IL6ST: variants seen among roughly 807,000 people sequenced by gnomAD.
IL6ST encodes the protein interleukin 6 cytokine family signal transducer.
IL6ST carries 24 observed loss-of-function variants against 91.3 expected under a neutral mutation model. The ratio of observed to expected loss-of-function variants is 0.26; its 90% confidence interval spans 0.19 to 0.37. The LOEUF (loss-of-function observed/expected upper bound fraction) is 0.37, where lower values mean the gene tolerates loss of function less well. IL6ST is among the 10% of genes least tolerant of loss of function. IL6ST has a pLI of 1.00. For synonymous variants in IL6ST, 351 were observed against 373.6 expected (o/e 0.94, Z 0.70); for missense variants, 914 against 1,078.5 (o/e 0.85, Z 2.14).
intron 10 of IL6ST, 64 bp downstream of exon 10, chr5:55,955,961 C>T (rs1197519821): frequency 2.0e-5 from 20 of 1,004,350 alleles, no homozygotes; most frequent in Middle Eastern, 2.1e-4. Flanking sequence ...TTTATGGGAG[C>T]CCTGTCCATA....
At position 55,935,221 on chromosome 5, in the gene IL6ST, T is replaced by G. The variant is rs1171215137; in HGVS notation, c.*5861A>C. 5.5e-6 allele frequency: 1 copy of G among 182,050 alleles called. No homozygotes were observed. The highest frequency in any genetic ancestry group is 2.4e-5 in the African/African-American group (1 of 42,392). 11.3% of individuals were successfully genotyped at this position (182,050 alleles called of 1,614,324 possible). ...ATGTTTAAATAAAAAGCCATTTAAG[T>G]GAGGGGATAATTCTCACTAAAAAAA... On this transcript the variant is annotated 3_prime_UTR_variant, in exon 17 of 17. Transcript: ENST00000381298.
intron 1 of IL6ST, among the ~76,000 whole-genome samples, chr5:55,992,904 T>C (rs913053071): frequency 5.3e-5 from 8 of 152,360 alleles, no homozygotes; most frequent in Admixed American, 5.2e-4. Context: ...TATAAGTTTG[T>C]CAATCCAATT....
chr5:55,972,490 C>G (rs934604312), intron 3 of IL6ST, among the ~76,000 whole-genome samples: 4 of 151,800 alleles, frequency 2.6e-5, no homozygotes, highest in Admixed American at 2.6e-4. Flanking sequence ...CCAGCCTGAG[C>G]GACAGAGTGA....
intron 1 of IL6ST, among the ~76,000 whole-genome samples, chr5:55,991,262 T>C (rs1474321820): frequency 6.6e-6 from 1 of 152,226 alleles, no homozygotes; most frequent in Non-Finnish European, 1.5e-5. Flanking sequence ...TGCCCAGTAA[T>C]GGGATGAATG....
At chr5:55,977,165 A>G (rs1256693992) in intron 2 of IL6ST, among the ~76,000 whole-genome samples, 1 of 152,232 alleles carries the variant, frequency 6.6e-6, no homozygotes, top group Non-Finnish European at 1.5e-5. Context: ...AACTGGTGAT[A>G]CATGCAGTAG....
chr5:55,954,988 A>C lies in IL6ST; in HGVS notation c.1272T>G (p.Thr424=), dbSNP rs747101680. 2 of 1,587,920 alleles carry C rather than the reference A, an allele frequency of 1.3e-6. No individual in the cohort carries two copies. The highest frequency in any genetic ancestry group is 1.7e-6 in the Non-Finnish European group (2 of 1,168,458). The change falls in exon 11 of 17, where the codon ACT becomes ACG. Residue 424 remains threonine (T), a synonymous_variant. Coordinates refer to ENST00000381298, the MANE Select transcript of IL6ST (RefSeq NM_002184.4). The stretch of plus-strand genomic sequence containing the variant: ...ATGCTTTAAGATCCATTACAGGGTG[A>C]GTAGCTTTAAAACAAAGTTTGAATA... The part of the protein sequence containing the change: ...LTIPACDFQA[T]HPVMDLKAFP...
rs2111681812 is a variant in IL6ST at position 55,952,426 on chromosome 5, C to T, written c.1451-75G>A. The T allele has an allele frequency of 5.0e-6, 4 of 803,714 alleles. No homozygotes were observed. In the East Asian group the frequency reaches 1.0e-4, roughly 21 times the overall value. 49.8% of individuals were successfully genotyped at this position (803,714 alleles called of 1,614,324 possible). ...AAGTTAATACCGTAATTTATTTTTA[C>T]ATTATAATTTCATGACCACTTAATT... On this transcript the variant is annotated intron_variant, in intron 11 of 16. Transcript: ENST00000381298.
rs1234694446 is a variant in IL6ST at position 55,935,894 on chromosome 5, T to C, written c.*5188A>G. ...AAAGCAGGATGGACTGTATCTATCA[T>C]ACACATTAGGATAAGATGAGCCACC... On this transcript the variant is annotated 3_prime_UTR_variant, in exon 17 of 17. Transcript: ENST00000381298. 4.6e-6 allele frequency: 1 copy of C among 218,730 alleles called. No homozygotes were observed. Among genetic ancestry groups the C allele is most frequent in the African/African-American group, 2.2e-5 (1 of 44,512 alleles). 13.5% of individuals were successfully genotyped at this position (218,730 alleles called of 1,614,324 possible).
At chr5:55,953,347 C>T (rs1389922963) in intron 11 of IL6ST, among the ~76,000 whole-genome samples, 2 of 152,186 alleles carry the variant, frequency 1.3e-5, no homozygotes, top group Non-Finnish European at 1.5e-5. Context: ...TACTGAGCAA[C>T]ATACGACTAC....
At position 55,940,591 on chromosome 5, in the gene IL6ST, T is replaced by C; in HGVS notation, c.*491A>G. ...TCAGATTACAAAAGCTGGGCTCATGTAGTTATGGCCTATGGACCTCTTTTT... is the reference window on the plus strand; with the variant it reads ...TCAGATTACAAAAGCTGGGCTCATGCAGTTATGGCCTATGGACCTCTTTTT... On this transcript the variant is annotated 3_prime_UTR_variant, in exon 17 of 17. Transcript: ENST00000381298. 9.3e-6 allele frequency: 2 copies of C among 214,182 alleles called. No individual in the cohort carries two copies. Among genetic ancestry groups the C allele is most frequent in the Non-Finnish European group, 1.9e-5 (2 of 106,006 alleles). 13.3% of individuals were successfully genotyped at this position (214,182 alleles called of 1,614,324 possible). A position where few individuals can be genotyped will look rare whatever the true frequency, so the allele number is the denominator to read the frequency against.
chr5:55,952,484 T>C (rs1751695821), intron 11 of IL6ST, 133 bp from the exon 12 acceptor site: 2 of 547,100 alleles, frequency 3.7e-6, no homozygotes, highest in South Asian at 3.1e-5. Flanking sequence ...TAAGTAAGCA[T>C]TGTCTTTTGT....
intron 7 of IL6ST, among the ~76,000 whole-genome samples, chr5:55,961,673 G>A (rs1403315659): frequency 4.6e-5 from 7 of 151,508 alleles, no homozygotes; most frequent in East Asian, 1.9e-4. Context: ...CAGAAGAATC[G>A]CTTGAACTAG....
rs537175964 is a variant in IL6ST, at chr5:55,965,736, A to C, written c.492-1424T>G. Among the ~76,000 whole-genome samples, 19 of 151,424 alleles carry C rather than the reference A, an allele frequency of 1.3e-4. 1 individual carries two copies. The South Asian group carries it at 4.0e-3, about 32-fold the overall frequency. On this transcript the variant is annotated intron_variant, in intron 5 of 16. Transcript: ENST00000381298. ...CCGGGCGGGGTGGTGGGTGCCTATA[A>C]TCCCAGCCACTCGGGAGGCAGTGAG...
Position 55,936,367 on chromosome 5 carries a change from T to A in IL6ST, c.*4715A>T, listed in dbSNP as rs1172315266. 5.0e-6 allele frequency: 1 copy of A among 198,790 alleles called. No homozygotes were observed. Among genetic ancestry groups the A allele is most frequent in the Non-Finnish European group, 1.0e-5 (1 of 100,096 alleles). The allele number at this position is 198,790 out of a possible 1,614,324, so 12.3% of individuals were successfully genotyped here. A position where few individuals can be genotyped will look rare whatever the true frequency, so the allele number is the denominator to read the frequency against. ...TTTTTTTTTTTTTTTTTTTTTTTAATGTCCACTAGGAGGGAGGATGCTACG... is the reference window on the plus strand; with the variant it reads ...TTTTTTTTTTTTTTTTTTTTTTTAAAGTCCACTAGGAGGGAGGATGCTACG... On this transcript the variant is annotated 3_prime_UTR_variant, in exon 17 of 17. Coordinates refer to ENST00000381298, the MANE Select transcript of IL6ST (RefSeq NM_002184.4).
At position 55,970,002 on chromosome 5, in the gene IL6ST, T is replaced by G; in HGVS notation, c.65-147A>C. On this transcript the variant is annotated intron_variant, in intron 3 of 16. Transcript: ENST00000381298. Reference sequence around the variant, plus strand: ...GAAAAAGACAATACACAACTGAAAATTAATATGGTTAGAATTTAATGCCTG... The same window carrying G: ...GAAAAAGACAATACACAACTGAAAAGTAATATGGTTAGAATTTAATGCCTG... The G allele has an allele frequency of 5.7e-6, 3 of 529,726 alleles. No homozygotes were observed. In the East Asian group the frequency reaches 8.4e-5, roughly 15 times the overall value. 32.8% of individuals were successfully genotyped at this position (529,726 alleles called of 1,614,324 possible).
chr5:55,956,842 CTCCATTCATAATACCA>C (rs1264025516), intron 9 of IL6ST, among the ~76,000 whole-genome samples: 3 of 152,006 alleles, frequency 2.0e-5, no homozygotes, highest in African/African-American at 7.3e-5. Context: ...TTTAAAAGAC[CTCCATTCATAATACCA>C]TACAAAATGT....
Position 55,940,137 on chromosome 5 carries a change from A to ATGTGTGTG in IL6ST, c.*944_*945insCACACACA, listed in dbSNP as rs58368867. On this transcript the variant is annotated 3_prime_UTR_variant, in exon 17 of 17. Transcript: ENST00000381298. ...AAAAGTCAATGATATGTGTGTGTAT[A>ATGTGTGTG]TATATATATATATATACACACATTA... is the stretch of plus-strand genomic sequence containing the variant. 0.049 allele frequency: 8,369 copies of ATGTGTGTG among 170,976 alleles called. 520 individuals carry two copies. The highest frequency in any genetic ancestry group is 0.16 in the African/African-American group (6,580 of 40,556). The allele number at this position is 170,976 out of a possible 1,614,324, so 10.6% of individuals were successfully genotyped here. A position where few individuals can be genotyped will look rare whatever the true frequency, so the allele number is the denominator to read the frequency against.
intron 1 of IL6ST, among the ~76,000 whole-genome samples, chr5:55,984,440 G>A (rs1753839434): frequency 6.6e-6 from 1 of 152,186 alleles, no homozygotes; most frequent in Non-Finnish European, 1.5e-5. Context: ...TATGACTGGT[G>A]TCTTTAAAGA....
In IL6ST at chr5:55,963,413, C is replaced by T. The variant is rs1330090367; in HGVS notation, c.752G>A (p.Ser251Asn). The change falls in exon 7 of 17, where the codon AGT becomes AAT. Residue 251 changes from serine to asparagine, a missense_variant. Transcript: ENST00000381298. Reference sequence around the variant, plus strand: ...AATGTTATATTTTAGTATTATAACACTCTTAATACTTGGGTTGGTCCATGT... The same window carrying T: ...AATGTTATATTTTAGTATTATAACATTCTTAATACTTGGGTTGGTCCATGT... ...KLTWTNPSIKSVIILKYNIQY... is the reference protein window; with the variant it reads ...KLTWTNPSIKNVIILKYNIQY... The T allele has an allele frequency of 1.3e-6, 2 of 1,593,924 alleles. No individual in the cohort carries two copies. Among genetic ancestry groups the T allele is most frequent in the African/African-American group, 2.7e-5 (2 of 74,452 alleles).
Sources: allele counts gnomAD v4.1 joint callset (sites outside exome capture counted in the v4.1 genomes callset), GRCh38; gene constraint gnomAD v4.1.1; transcripts MANE v1.5; gene names NCBI Gene and HGNC (gene_info 2026-07-23, HGNC 2026-07-21).